Variants in SUZ12 observed in about 807,000 individuals in gnomAD.
SUZ12 encodes polycomb protein SUZ12.
In SUZ12, 17 loss-of-function variants were observed where a neutral mutation model predicts 87.3. The ratio of observed to expected loss-of-function variants is 0.19; its 90% CI spans 0.13 to 0.29. The LOEUF (loss-of-function observed/expected upper bound fraction) is 0.29. SUZ12 is among the 10% of genes least tolerant of loss of function. The pLI is 1.00. For synonymous variants in SUZ12, 253 were observed against 312.4 expected, an observed-to-expected ratio of 0.81 and a Z score of 2.01; for missense variants, 526 against 912.2, an observed-to-expected ratio of 0.58 and a Z score of 5.45.
intron 4 of SUZ12, among the ~76,000 whole-genome samples, chr17:31,953,731 T>C (rs75710316): frequency 6.7e-6 from 1 of 149,510 alleles, no homozygotes; most frequent in Non-Finnish European, 1.5e-5. Context: ...TTTTTTTTTT[T>C]GGAGACTGAG....
chr17:31,978,491 GC>G, intron 8 of SUZ12, among the ~76,000 whole-genome samples: 1 of 152,108 alleles, frequency 6.6e-6, no homozygotes. Context: ...TTACAGGTGA[GC>G]CACCGTGCCC....
In SUZ12 at chr17:31,999,609, C is replaced by T. The variant is rs551336112; in HGVS notation, c.*606C>T. On this transcript the variant is annotated 3_prime_UTR_variant, in exon 16 of 16. Coordinates refer to ENST00000322652, the MANE Select transcript of SUZ12 (RefSeq NM_015355.4). ...AGTTCCTTTTACAATTAAAAAATAG[C>T]ACTTCTTCATCTTATGCCTGTTTGA... 1 of 231,508 alleles carries T rather than the reference C, an allele frequency of 4.3e-6. No individual in the cohort carries two copies. The highest frequency in any genetic ancestry group is 8.5e-6 in the Non-Finnish European group (1 of 117,044). 14.3% of individuals were successfully genotyped at this position (231,508 alleles called of 1,614,324 possible). A position where few individuals can be genotyped will look rare whatever the true frequency, so the allele number is the denominator to read the frequency against.
intron 9 of SUZ12, among the ~76,000 whole-genome samples, chr17:31,985,009 G>A (rs1286893713): frequency 2.6e-5 from 4 of 152,078 alleles, no homozygotes; most frequent in East Asian, 1.9e-4. Context: ...ACAAAAATTA[G>A]CCAGGCATGG....
chr17:31,968,135 A>T (rs1244929474), intron 5 of SUZ12, among the ~76,000 whole-genome samples: 2 of 152,176 alleles, frequency 1.3e-5, no homozygotes, highest in African/African-American at 4.8e-5. Context: ...ACACCACTGT[A>T]CTCCAGCCTG....
chr17:31,945,552 C>G (rs1296746670), intron 3 of SUZ12, among the ~76,000 whole-genome samples: 1 of 152,142 alleles, frequency 6.6e-6, no homozygotes, highest in Non-Finnish European at 1.5e-5. Flanking sequence ...TAAATATGCT[C>G]CTTTTCGATG....
rs1428214939 is a variant in SUZ12 at position 32,000,952 on chromosome 17, T to A, written c.*1949T>A. ...ATGGTACAGTAGATGTAAAAAAAAT[T>A]CAGTTTAAAAGAACATTTGTTTTTA... On this transcript the variant is annotated 3_prime_UTR_variant, in exon 16 of 16. Coordinates refer to ENST00000322652, the MANE Select transcript of SUZ12 (RefSeq NM_015355.4). 4.6e-6 allele frequency: 1 copy of A among 219,544 alleles called. No homozygotes were observed. Among genetic ancestry groups the A allele is most frequent in the African/African-American group, 2.2e-5 (1 of 44,640 alleles). 13.6% of individuals were successfully genotyped at this position (219,544 alleles called of 1,614,324 possible). A position where few individuals can be genotyped will look rare whatever the true frequency, so the allele number is the denominator to read the frequency against.
chr17:31,976,558 T>A lies in SUZ12; in HGVS notation c.861T>A (p.Asn287Lys). 2 of 1,613,228 alleles carry A rather than the reference T, an allele frequency of 1.2e-6. No homozygotes were observed. Among genetic ancestry groups the A allele is most frequent in the Non-Finnish European group, 1.7e-6 (2 of 1,179,542 alleles). The part of the protein sequence containing the change: ...NEELPARRKR[N>K]REDGEKTFVA... ...AGCTTCCAGCCAGAAGAAAACGAAATCGTGAGGATGGGGAAAAGACATTTG... is the reference window on the plus strand; with the variant it reads ...AGCTTCCAGCCAGAAGAAAACGAAAACGTGAGGATGGGGAAAAGACATTTG... Residue 287 changes from asparagine (N) to lysine (K), a missense_variant, in exon 8 of 16, where the codon AAT (asparagine) becomes AAA (lysine). Physicochemically the swap from Asn to Lys is moderately conservative, Grantham distance 94. Around this residue, in one of 9 missense-constraint regions of SUZ12, gnomAD observed 73 missense variants for 133.8 expected, o/e 0.55. Coordinates refer to ENST00000322652, the MANE Select transcript of SUZ12 (RefSeq NM_015355.4).
At chr17:31,982,747 T>G (rs1380287070) in intron 8 of SUZ12, among the ~76,000 whole-genome samples, 1 of 152,220 alleles carries the variant, frequency 6.6e-6, no homozygotes, top group Non-Finnish European at 1.5e-5. Context: ...CTCAGGCATA[T>G]TATACTTTAC....
intron 10 of SUZ12, among the ~76,000 whole-genome samples, chr17:31,992,548 T>C (rs1333520773): frequency 2.6e-5 from 4 of 152,032 alleles, no homozygotes; most frequent in African/African-American, 9.7e-5. Context: ...TAGCTGGGAC[T>C]ACAGGTGCCC....
intron 1 of SUZ12, among the ~76,000 whole-genome samples, chr17:31,939,109 A>C (rs1331885359): frequency 6.6e-6 from 1 of 152,162 alleles, no homozygotes; most frequent in Non-Finnish European, 1.5e-5. Flanking sequence ...ATTTAATTCA[A>C]CTCATTTTAA....
Position 32,001,000 on chromosome 17 carries a change from A to G in SUZ12, c.*1997A>G, listed in dbSNP as rs1470551845. On this transcript the variant is annotated 3_prime_UTR_variant, in exon 16 of 16. Coordinates refer to ENST00000322652, the MANE Select transcript of SUZ12 (RefSeq NM_015355.4). ...TTACATTAAATGTTTATTTGAAATCAAATGATTTTGTACATAAAGTTCAAT... is the reference window on the plus strand; with the variant it reads ...TTACATTAAATGTTTATTTGAAATCGAATGATTTTGTACATAAAGTTCAAT... The G allele has an allele frequency of 4.8e-6, 1 of 209,322 alleles. No homozygotes were observed. The highest frequency in any genetic ancestry group is 9.7e-6 in the Non-Finnish European group (1 of 102,864). 13.0% of individuals were successfully genotyped at this position (209,322 alleles called of 1,614,324 possible).
chr17:31,991,523 T>C (rs543534031), intron 10 of SUZ12, among the ~76,000 whole-genome samples: 1 of 146,256 alleles, frequency 6.8e-6, no homozygotes, highest in South Asian at 2.1e-4. Flanking sequence ...TTGTTAATTA[T>C]GTAAGGAAAT....
Position 31,981,884 on chromosome 17 carries a change from T to C in SUZ12, c.918-1115T>C, listed in dbSNP as rs192946768. On this transcript the variant is annotated intron_variant, in intron 8 of 15. Coordinates refer to ENST00000322652, the MANE Select transcript of SUZ12 (RefSeq NM_015355.4). The stretch of plus-strand genomic sequence containing the variant: ...ATTGTTGGGAAGATTAAATGAACCA[T>C]GTAAAATCTTTATAATAGTGCCTGG... Among the ~76,000 whole-genome samples, 84 of 152,314 alleles carry C rather than the reference T, an allele frequency of 5.5e-4. 1 individual carries two copies. The East Asian group carries it at 0.013, about 23-fold the overall frequency.
chr17:31,958,132 G>C (rs903081665), intron 4 of SUZ12, among the ~76,000 whole-genome samples: 1 of 150,832 alleles, frequency 6.6e-6, no homozygotes, highest in Non-Finnish European at 1.5e-5. Flanking sequence ...TCAATCTCCT[G>C]ACCTCATGAT....
At chr17:31,988,212 C>A (rs1909514782) in intron 9 of SUZ12, 108 bp from the exon 10 acceptor site, 1 of 1,111,802 alleles carries the variant, frequency 9.0e-7, no homozygotes, top group Non-Finnish European at 1.2e-6. Flanking sequence ...CAAGACAAAT[C>A]TATTAAGGCA....
At chr17:31,969,417 G>A (rs59309818) in intron 5 of SUZ12, among the ~76,000 whole-genome samples, 2,664 of 150,950 alleles carry the variant, frequency 0.018, 73 homozygotes, top group African/African-American at 0.06. Context: ...CCAAAGTGCT[G>A]GGATTTCAGT....
chr17:31,952,313 G>T (rs1415877019), intron 4 of SUZ12, among the ~76,000 whole-genome samples: 1 of 152,118 alleles, frequency 6.6e-6, no homozygotes, highest in African/African-American at 2.4e-5. Flanking sequence ...TTTCAGATTG[G>T]CTTCCCAAAG....
At chr17:31,939,757 C>T (rs1377027190) in intron 1 of SUZ12, among the ~76,000 whole-genome samples, 1 of 152,094 alleles carries the variant, frequency 6.6e-6, no homozygotes, top group Non-Finnish European at 1.5e-5. Context: ...AACTCCCGAC[C>T]TTAGGTGATC....
chr17:31,943,237 C>G (rs565207135), intron 3 of SUZ12, among the ~76,000 whole-genome samples: 11 of 152,218 alleles, frequency 7.2e-5, no homozygotes, highest in South Asian at 6.2e-4. Flanking sequence ...TTGATTTTTG[C>G]CAGCATTCAG....
Sources: gnomAD v4.1 joint callset for allele counts (sites outside exome capture counted in the v4.1 genomes callset) on GRCh38, gnomAD v4.1.1 for gene constraint, gnomAD v4.1.1 regional missense constraint, MANE v1.5 for transcripts, NCBI Gene and HGNC (gene_info 2026-07-23, HGNC 2026-07-21) for gene names.